The following AKAP9 variants were observed in gnomAD, a reference collection of about 807,000 sequenced individuals.
The protein encoded by AKAP9 is A-kinase anchor protein 9.
AKAP9 carries 311 observed loss-of-function variants against 488.5 expected under a neutral mutation model. The observed-to-expected ratio is 0.64, with a 90% CI of 0.58 to 0.70. The LOEUF (loss-of-function observed/expected upper bound fraction) is 0.70. Among genes scored for constraint, AKAP9 ranks in the 30% least tolerant of loss-of-function variants. The probability of loss-of-function intolerance (pLI) is 0.00; values close to 1 mark genes in which losing one functional copy is unlikely to be tolerated. For synonymous variants in AKAP9, 1,462 were observed against 1,483.5 expected, an observed-to-expected ratio of 0.99 and a Z score of 0.33; for missense variants, 4,215 against 4,374.5, an observed-to-expected ratio of 0.96 and a Z score of 1.03.
intron 5 of AKAP9, among the ~76,000 whole-genome samples, chr7:91,993,690 T>TA (rs1210560880): frequency 6.6e-6 from 1 of 152,244 alleles, no homozygotes; most frequent in African/African-American, 2.4e-5. Context: ...AGGATTTCAT[T>TA]AACAGGGTTA....
chr7:92,052,978 A>C lies in AKAP9; in HGVS notation c.5601+20A>C. 6.4e-7 allele frequency: 1 copy of C among 1,570,342 alleles called. No individual in the cohort carries two copies. Among genetic ancestry groups the C allele is most frequent in the Non-Finnish European group, 8.8e-7 (1 of 1,140,968 alleles). On this transcript the variant is annotated intron_variant, in intron 22 of 49. Transcript: ENST00000356239. ...AGTCAGGTAACCTCCTTATATTGCT[A>C]ATATGTACTGAGTTTGAAGTACAAT...
At chr7:92,102,482 T>TACTACTACC in intron 45 of AKAP9, 112 bp from the exon 46 acceptor site, 1 of 710,298 alleles carries the variant, frequency 1.4e-6, no homozygotes, top group Non-Finnish European at 2.5e-6. Context: ...CTACTACTAC[T>TACTACTACC]ACTACTACCA....
chr7:92,033,730 G>A (rs1301223816), intron 16 of AKAP9, among the ~76,000 whole-genome samples: 1 of 152,162 alleles, frequency 6.6e-6, no homozygotes, highest in East Asian at 1.9e-4. Context: ...GAGCCACCAT[G>A]CCTGGCTGAG....
At chr7:92,088,895 C>A (rs549635861) in intron 37 of AKAP9, among the ~76,000 whole-genome samples, 62 of 152,220 alleles carry the variant, frequency 4.1e-4, no homozygotes, top group African/African-American at 1.3e-3. Context: ...AAGATGGTAT[C>A]ATTGGGAAAA....
rs1810029095 is a variant in AKAP9, at chr7:92,062,376, G to C, written c.5867G>C (p.Ser1956Thr). 1.2e-6 allele frequency: 2 copies of C among 1,613,762 alleles called. No individual in the cohort carries two copies. The highest frequency in any genetic ancestry group is 2.2e-5 in the South Asian group (2 of 91,092). Residue 1956 changes from serine (S) to threonine (T), a missense_variant, in exon 24 of 50, where the codon AGT (serine) becomes ACT (threonine). Around this residue, in one of 5 missense-constraint regions of AKAP9, gnomAD observed 2,361 missense variants for 2,430.0 expected, o/e 0.97. Coordinates refer to ENST00000356239, the MANE Select transcript of AKAP9 (RefSeq NM_005751.5). Reference sequence around the variant, plus strand: ...CTTGAGCAGGAGTTGTTATGTGCAAGTAACAGGTTGCAAGAATTGGAGGCA... The same window carrying C: ...CTTGAGCAGGAGTTGTTATGTGCAACTAACAGGTTGCAAGAATTGGAGGCA... ...DRLEQELLCASNRLQELEAEQ... is the reference protein window; with the variant it reads ...DRLEQELLCATNRLQELEAEQ...
At chr7:92,026,415 A>G (rs887077423) in intron 14 of AKAP9, among the ~76,000 whole-genome samples, 1 of 150,992 alleles carries the variant, frequency 6.6e-6, no homozygotes, top group Non-Finnish European at 1.5e-5. Context: ...GCTCGCTGCA[A>G]CCTCCCTGCC....
At chr7:92,029,181 G>A (rs1170383405) in intron 14 of AKAP9, among the ~76,000 whole-genome samples, 1 of 150,640 alleles carries the variant, frequency 6.6e-6, no homozygotes, top group Non-Finnish European at 1.5e-5. Context: ...CCTAAGTTAA[G>A]CGTTTTAAGA....
chr7:92,027,511 C>A (rs1490933498), intron 14 of AKAP9, among the ~76,000 whole-genome samples: 1 of 142,480 alleles, frequency 7.0e-6, no homozygotes, highest in Non-Finnish European at 1.5e-5. Flanking sequence ...CCCAGCCGCC[C>A]TTCGTCTGGG....
In AKAP9 at chr7:91,985,790, G is replaced by A. The variant is rs1229910527; in HGVS notation, c.351+5457G>A. Among the ~76,000 whole-genome samples, 3 of 152,110 alleles carry A rather than the reference G, an allele frequency of 2.0e-5. No individual in the cohort carries two copies. The East Asian group carries it at 5.8e-4, about 29-fold the overall frequency. ...AGCCTGCTGAGTACCTGGGACTACA[G>A]GCGCGTGCCACCATATCTGGCTAAT... On this transcript the variant is annotated intron_variant, in intron 3 of 49. Transcript: ENST00000356239.
chr7:92,098,258 A>G, intron 43 of AKAP9, 44 bp downstream of exon 43: 1 of 1,170,862 alleles, frequency 8.5e-7, no homozygotes, highest in South Asian at 1.3e-5. Context: ...GAGAGCAAAG[A>G]TTTAATAGAA....
intron 5 of AKAP9, 110 bp from the exon 6 acceptor site, chr7:91,994,511 A>G (rs1798149720): frequency 1.1e-6 from 1 of 937,418 alleles, no homozygotes; most frequent in African/African-American, 1.7e-5. Context: ...AATACTGATT[A>G]CAAAGTGTAA....
rs1258473521 is a variant in AKAP9 at position 92,093,270 on chromosome 7, A to G, written c.9532A>G (p.Thr3178Ala). The G allele has an allele frequency of 6.2e-7, 1 of 1,614,036 alleles. No homozygotes were observed. The highest frequency in any genetic ancestry group is 8.5e-7 in the Non-Finnish European group (1 of 1,180,044). The change falls in exon 39 of 50, where the codon ACA (threonine) becomes GCA (alanine). Residue 3178 changes from threonine (T) to alanine (A), a missense_variant. Transcript: ENST00000356239. ...ACAAACTAAATTGGAACTAGAAACAACACTCAAGGCACAGCATAAACACCT... is the reference window on the plus strand; with the variant it reads ...ACAAACTAAATTGGAACTAGAAACAGCACTCAAGGCACAGCATAAACACCT... ...LAQTKLELET[T>A]LKAQHKHLKE...
At chr7:92,072,466 T>A (rs1250332759) in intron 28 of AKAP9, among the ~76,000 whole-genome samples, 3 of 152,202 alleles carry the variant, frequency 2.0e-5, no homozygotes, top group African/African-American at 4.8e-5. Flanking sequence ...AATAACTTCT[T>A]AAGCATTTTT....
chr7:92,037,589 T>C (rs1296308987), intron 16 of AKAP9, among the ~76,000 whole-genome samples: 2 of 152,108 alleles, frequency 1.3e-5, no homozygotes, highest in African/African-American at 2.4e-5. Context: ...CCAAAACTGC[T>C]AGTCAGAATT....
In AKAP9 at chr7:92,045,253, A is replaced by C. The variant is rs1292518370; in HGVS notation, c.5368+40A>C. On this transcript the variant is annotated intron_variant, in intron 21 of 49. Transcript: ENST00000356239. ...TGTTGTGGAAACAATCATTTCAACA[A>C]ATCTGCTGAGTTCAAGGCATTTTGC... is the stretch of plus-strand genomic sequence containing the variant. The C allele has an allele frequency of 3.2e-6, 5 of 1,585,286 alleles. No homozygotes were observed. The Admixed American group carries it at 6.7e-5, about 21-fold the overall frequency.
chr7:91,954,466 G>A (rs987680897), intron 1 of AKAP9, among the ~76,000 whole-genome samples: 2 of 152,140 alleles, frequency 1.3e-5, no homozygotes, highest in African/African-American at 2.4e-5. Context: ...TATAGAGGCA[G>A]GGTCTCACTA....
chr7:92,107,850 C>CA (rs940772398), intron 48 of AKAP9: 63 of 164,136 alleles, frequency 3.8e-4, no homozygotes, highest in South Asian at 1.2e-3. Context: ...GACTCTGTCT[C>CA]AAAAAAAAAT....
chr7:91,976,056 G>T (rs1021154185), intron 2 of AKAP9, among the ~76,000 whole-genome samples: 1 of 151,854 alleles, frequency 6.6e-6, no homozygotes, highest in Non-Finnish European at 1.5e-5. Context: ...AGCCTCCTGA[G>T]TAGTTGGGAT....
At position 92,061,521 on chromosome 7, in the gene AKAP9, T is replaced by G. The variant is rs1262610453; in HGVS notation, c.5764+99T>G. 6.0e-6 allele frequency: 8 copies of G among 1,324,510 alleles called. No homozygotes were observed. In the African/African-American group the frequency reaches 1.0e-4, roughly 17 times the overall value. The allele number at this position is 1,324,510 out of a possible 1,614,324, so 82.0% of individuals were successfully genotyped here. A position where few individuals can be genotyped will look rare whatever the true frequency, so the allele number is the denominator to read the frequency against. On this transcript the variant is annotated intron_variant, in intron 23 of 49. Transcript: ENST00000356239. ...AGGTTTGGAAGCCGTCAATCCAATT[T>G]AGAATGACCATTAAAAAGTACTTGT...
Sources: allele counts gnomAD v4.1 joint callset (sites outside exome capture counted in the v4.1 genomes callset), GRCh38; gene constraint gnomAD v4.1.1; regional missense constraint gnomAD v4.1.1; transcripts MANE v1.5; gene names NCBI Gene and HGNC (gene_info 2026-07-23, HGNC 2026-07-21).